ZNF423: variants seen among roughly 807,000 people sequenced by gnomAD.
ZNF423 encodes the protein zinc finger protein 423, also known as Ebf-associated zinc finger protein.
A neutral mutation model predicts 95.8 loss-of-function variants in ZNF423; 12 were observed. The ratio of observed to expected loss-of-function variants is 0.13; its 90% CI spans 0.08 to 0.20. The LOEUF is 0.20. Among genes scored for constraint, ZNF423 ranks in the 10% least tolerant of loss-of-function variants. The probability of loss-of-function intolerance (pLI) is 1.00; values close to 1 mark genes in which losing one functional copy is unlikely to be tolerated. For synonymous variants in ZNF423, 749 were observed against 711.9 expected (o/e 1.05, Z -0.83); for missense variants, 1,316 against 1,737.1 (o/e 0.76, Z 4.31).
intron 6 of ZNF423, among the ~76,000 whole-genome samples, chr16:49,524,054 A>C (rs1487671338): frequency 5.3e-5 from 8 of 152,180 alleles, no homozygotes; most frequent in Non-Finnish European, 4.4e-5. Flanking sequence ...ATATTGATAA[A>C]GTGCTTAAAA....
At chr16:49,760,744 T>C (rs944473105) in intron 2 of ZNF423, among the ~76,000 whole-genome samples, 2 of 151,910 alleles carry the variant, frequency 1.3e-5, no homozygotes, top group African/African-American at 4.8e-5. Context: ...ACCTGACTCT[T>C]GATTGAAAAG....
intron 5 of ZNF423, among the ~76,000 whole-genome samples, chr16:49,537,880 A>G (rs1197997477): frequency 1.3e-5 from 2 of 152,128 alleles, no homozygotes; most frequent in Non-Finnish European, 2.9e-5. Context: ...GAGCCCTCCC[A>G]TACCATTTTC....
At chr16:49,691,011 G>T (rs6500242) in intron 3 of ZNF423, among the ~76,000 whole-genome samples, 46,056 of 152,124 alleles carry the variant, frequency 0.3, 7,609 homozygotes, top group South Asian at 0.45. Context: ...CCAGCCTGAG[G>T]CCCAGGCATC....
chr16:49,790,731 C>A (rs1454527781), intron 1 of ZNF423, among the ~76,000 whole-genome samples: 1 of 152,244 alleles, frequency 6.6e-6, no homozygotes, highest in Non-Finnish European at 1.5e-5. Flanking sequence ...CTGCCTCTTA[C>A]TAGCTGTATA....
chr16:49,516,970 G>A (rs184128717), intron 7 of ZNF423, among the ~76,000 whole-genome samples: 153 of 152,272 alleles, frequency 1.0e-3, no homozygotes, highest in Non-Finnish European at 5.7e-4. Flanking sequence ...AGCTACCTAG[G>A]GTGTCTGTCT....
At chr16:49,757,907 C>T (rs1444393816) in intron 2 of ZNF423, among the ~76,000 whole-genome samples, 7 of 152,134 alleles carry the variant, frequency 4.6e-5, no homozygotes, top group Admixed American at 4.6e-4. Context: ...GCCCTCGGCT[C>T]CTCCCCTCCA....
At chr16:49,593,640 C>T (rs543153831) in intron 5 of ZNF423, among the ~76,000 whole-genome samples, 15 of 152,226 alleles carry the variant, frequency 9.9e-5, no homozygotes, top group Non-Finnish European at 1.3e-4. Context: ...ATATGCCCTC[C>T]GTGCCTTTGT....
At chr16:49,624,650 G>A (rs558948884) in intron 5 of ZNF423, among the ~76,000 whole-genome samples, 4 of 152,172 alleles carry the variant, frequency 2.6e-5, no homozygotes, top group Non-Finnish European at 5.9e-5. Flanking sequence ...CAGATAAAGA[G>A]TGGTTGGCAT....
chr16:49,591,163 C>T (rs1971000465), intron 5 of ZNF423, among the ~76,000 whole-genome samples: 1 of 152,214 alleles, frequency 6.6e-6, no homozygotes, highest in Non-Finnish European at 1.5e-5. Context: ...TATAAGTCCA[C>T]TGCAAACTAA....
At chr16:49,523,559 C>T (rs763319927) in intron 7 of ZNF423, 65 bp downstream of exon 7, 41 of 1,415,010 alleles carry the variant, frequency 2.9e-5, no homozygotes, top group Non-Finnish European at 3.9e-5. Context: ...ACCCTGAGAC[C>T]GTCGGTGCTG....
Position 49,628,534 on chromosome 16 carries a change from TATCC to T in ZNF423, c.3517-2284_3517-2281del, listed in dbSNP as rs60254976. Among the ~76,000 whole-genome samples the T allele has an allele frequency of 7.3e-3, 1,104 of 150,986 alleles. 14 individuals are homozygous for T. The highest frequency in any genetic ancestry group is 0.024 in the African/African-American group (968 of 41,006). ...CTACACACATATCCATCCATCCATC[TATCC>T]ATCCATCCATCCATCCATCCATCCA... On this transcript the variant is annotated intron_variant, in intron 4 of 7. Coordinates refer to ENST00000563137, the MANE Select transcript of ZNF423 (RefSeq NM_001379286.1).
chr16:49,774,341 G>A (rs574477092), intron 2 of ZNF423, among the ~76,000 whole-genome samples: 13 of 152,098 alleles, frequency 8.5e-5, no homozygotes, highest in East Asian at 1.9e-4. Flanking sequence ...CAGGGCACCC[G>A]CCAGACACGG....
At position 49,542,779 on chromosome 16, in the gene ZNF423, G is replaced by A. The variant is rs545901418; in HGVS notation, c.3602-17285C>T. On this transcript the variant is annotated intron_variant, in intron 5 of 7. Coordinates refer to ENST00000563137, the MANE Select transcript of ZNF423 (RefSeq NM_001379286.1). ...CCAGATGCCGCCTGCCCAGATCTGCGTCCTCCATGAGATTGAAGATGACAG... is the reference window on the plus strand; with the variant it reads ...CCAGATGCCGCCTGCCCAGATCTGCATCCTCCATGAGATTGAAGATGACAG... Among the ~76,000 whole-genome samples, 44 of 152,310 alleles carry A rather than the reference G, an allele frequency of 2.9e-4. No individual in the cohort carries two copies. In the East Asian group the frequency reaches 7.4e-3, roughly 25 times the overall value.
intron 2 of ZNF423, among the ~76,000 whole-genome samples, chr16:49,745,740 A>G (rs748481486): frequency 1.3e-5 from 2 of 152,174 alleles, no homozygotes; most frequent in Admixed American, 6.5e-5. Flanking sequence ...TCGTGTCACC[A>G]AACAGAATTT....
chr16:49,827,573 C>A (rs967483164), intron 1 of ZNF423, among the ~76,000 whole-genome samples: 6 of 151,818 alleles, frequency 4.0e-5, no homozygotes, highest in African/African-American at 1.2e-4. Flanking sequence ...TGGAGTGTAG[C>A]GGCTCAATCA....
rs562644851 is a variant in ZNF423 at position 49,783,094 on chromosome 16, CATG to C, written c.100+6390_100+6392del. ...CCACATCATAGACCTCAGGATCACG[CATG>C]ATGTTTCTGGTGTCTGCCACTTAGA... On this transcript the variant is annotated intron_variant, in intron 2 of 7. Coordinates refer to ENST00000563137, the MANE Select transcript of ZNF423 (RefSeq NM_001379286.1). 6.3e-3 allele frequency among the ~76,000 whole-genome samples: 960 copies of C among 152,248 alleles called. 8 individuals are homozygous for C. The highest frequency in any genetic ancestry group is 0.022 in the African/African-American group (899 of 41,538).
chr16:49,575,044 C>A (rs375804645), intron 5 of ZNF423, among the ~76,000 whole-genome samples: 1 of 152,080 alleles, frequency 6.6e-6, no homozygotes, highest in Non-Finnish European at 1.5e-5. Context: ...CTTCCACAGG[C>A]GGATCGAGGG....
chr16:49,506,354 T>C (rs2151671194), intron 7 of ZNF423, among the ~76,000 whole-genome samples: 1 of 151,922 alleles, frequency 6.6e-6, no homozygotes, highest in South Asian at 2.1e-4. Context: ...GATGGGTAGA[T>C]GGAGGAATAG....
intron 5 of ZNF423, among the ~76,000 whole-genome samples, chr16:49,550,070 G>A (rs1398790358): frequency 6.6e-6 from 1 of 152,114 alleles, no homozygotes; most frequent in African/African-American, 2.4e-5. Flanking sequence ...GTCTTGCTAT[G>A]TTGTCCAAGC....
Sources: gnomAD v4.1 joint callset for allele counts (sites outside exome capture counted in the v4.1 genomes callset) on GRCh38, gnomAD v4.1.1 for gene constraint, MANE v1.5 for transcripts, NCBI Gene and HGNC (gene_info 2026-07-23, HGNC 2026-07-21) for gene names.